Variants in PCDH15 observed in about 807,000 individuals in gnomAD.
PCDH15 encodes protocadherin related 15.
A neutral mutation model predicts 178.5 loss-of-function variants in PCDH15; 129 were observed. The ratio of observed to expected loss-of-function variants is 0.72; its 90% CI spans 0.63 to 0.84. The LOEUF (loss-of-function observed/expected upper bound fraction) is 0.84. Among genes scored for constraint, PCDH15 ranks in the 40% least tolerant of loss-of-function variants. The probability of loss-of-function intolerance (pLI) is 0.00; values close to 1 mark genes in which losing one functional copy is unlikely to be tolerated. For synonymous variants in PCDH15, 800 were observed against 732.0 expected (o/e 1.09, Z -1.50); for missense variants, 2,230 against 2,099.9 (o/e 1.06, Z -1.21).
intron 8 of PCDH15, among the ~76,000 whole-genome samples, chr10:54,255,664 T>C (rs2056842652): frequency 6.6e-6 from 1 of 152,122 alleles, no homozygotes; most frequent in Admixed American, 6.6e-5. Flanking sequence ...CAGCAATAAA[T>C]AGGCTGGCAA....
intron 25 of PCDH15, among the ~76,000 whole-genome samples, chr10:53,922,578 A>C (rs2084090544): frequency 6.6e-6 from 1 of 152,190 alleles, no homozygotes; most frequent in Non-Finnish European, 1.5e-5. Context: ...CTATTAAGGT[A>C]ATTTTAAATG....
intron 13 of PCDH15, among the ~76,000 whole-genome samples, chr10:54,173,477 G>T (rs562307696): frequency 1.3e-5 from 2 of 152,104 alleles, no homozygotes; most frequent in Non-Finnish European, 2.9e-5. Flanking sequence ...AAGTTTGGAA[G>T]TACTACGTTA....
At chr10:55,472,072 T>A (rs907662830) in intron 2 of PCDH15, among the ~76,000 whole-genome samples, 2 of 152,110 alleles carry the variant, frequency 1.3e-5, no homozygotes, top group African/African-American at 4.8e-5. Context: ...GAATTCCAGA[T>A]TTTCATAGTG....
intron 13 of PCDH15, among the ~76,000 whole-genome samples, chr10:54,179,854 G>A (rs771788205): frequency 2.4e-4 from 37 of 152,214 alleles, no homozygotes; most frequent in Non-Finnish European, 4.3e-4. Context: ...AGATGTTTGC[G>A]AATAGTGTTT....
intron 37 of PCDH15, among the ~76,000 whole-genome samples, chr10:53,809,755 T>A (rs892627167): frequency 6.6e-6 from 1 of 152,202 alleles, no homozygotes; most frequent in Non-Finnish European, 1.5e-5. Flanking sequence ...TAGCTTGTAC[T>A]TTACAATACC....
chr10:54,900,411 A>C (rs993704249), intron 2 of PCDH15, among the ~76,000 whole-genome samples: 1 of 152,202 alleles, frequency 6.6e-6, no homozygotes, highest in African/African-American at 2.4e-5. Context: ...GCAAAGTCTT[A>C]AATAATCCTT....
intron 2 of PCDH15, among the ~76,000 whole-genome samples, chr10:55,047,203 A>G (rs781112474): frequency 2.1e-4 from 32 of 152,022 alleles, no homozygotes; most frequent in Middle Eastern, 3.4e-3. Context: ...GAAATACTTA[A>G]TACTATTTAA....
chr10:55,153,195 A>G (rs1305906667), intron 2 of PCDH15, among the ~76,000 whole-genome samples: 4 of 152,066 alleles, frequency 2.6e-5, no homozygotes, highest in South Asian at 2.1e-4. Flanking sequence ...ATCAGTGAAA[A>G]CAAAACTAGC....
chr10:55,324,643 C>T (rs1217484289), intron 2 of PCDH15, among the ~76,000 whole-genome samples: 2 of 152,094 alleles, frequency 1.3e-5, no homozygotes, highest in African/African-American at 4.8e-5. Flanking sequence ...GACTTCAACA[C>T]ACCACTGAGA....
At chr10:55,531,706 T>A (rs183544115) in intron 2 of PCDH15, among the ~76,000 whole-genome samples, 7 of 152,168 alleles carry the variant, frequency 4.6e-5, no homozygotes, top group African/African-American at 1.7e-4. Flanking sequence ...AGTAATTGAA[T>A]AACAGATGTT....
At chr10:54,261,604 G>A (rs1343717842) in intron 8 of PCDH15, among the ~76,000 whole-genome samples, 1 of 152,120 alleles carries the variant, frequency 6.6e-6, no homozygotes, top group East Asian at 1.9e-4. Context: ...TCCTACAAGT[G>A]GTTTTTAAAG....
At chr10:53,934,669 C>T (rs2085403788) in intron 25 of PCDH15, among the ~76,000 whole-genome samples, 1 of 151,712 alleles carries the variant, frequency 6.6e-6, no homozygotes, top group South Asian at 2.1e-4. Flanking sequence ...AGCAAGTCAT[C>T]AAACTGTGCA....
chr10:53,930,413 G>C (rs1385621824), intron 25 of PCDH15, among the ~76,000 whole-genome samples: 1 of 119,776 alleles, frequency 8.3e-6, no homozygotes, highest in African/African-American at 3.2e-5. Context: ...AGCTGAGACC[G>C]TGCCACTGTA....
chr10:53,926,189 C>T (rs1042478679), intron 25 of PCDH15, among the ~76,000 whole-genome samples: 9 of 152,132 alleles, frequency 5.9e-5, no homozygotes, highest in African/African-American at 2.2e-4. Context: ...CCTATTTATC[C>T]AATTCTTTTT....
intron 2 of PCDH15, among the ~76,000 whole-genome samples, chr10:54,927,818 C>A (rs1175196314): frequency 2.0e-5 from 3 of 151,856 alleles, no homozygotes; most frequent in Admixed American, 2.0e-4. Context: ...TTACTTTGAG[C>A]CTGTGGGTAT....
At position 53,805,304 on chromosome 10, in the gene PCDH15, T is replaced by C. The variant is rs1357239187; in HGVS notation, c.*1275A>G. ...CTATATCATACTAAGTAATATTCAA[T>C]AGAATTCTGAATTCTCTTAATCTAT... On this transcript the variant is annotated 3_prime_UTR_variant, in exon 38 of 38. Coordinates refer to ENST00000644397, the MANE Select transcript of PCDH15 (RefSeq NM_001384140.1). The C allele has an allele frequency of 6.6e-6, 1 of 152,094 alleles. No homozygotes were observed. The highest frequency in any genetic ancestry group is 2.4e-5 in the African/African-American group (1 of 41,466). 9.4% of individuals were successfully genotyped at this position (152,094 alleles called of 1,614,324 possible).
At chr10:54,934,295 G>T (rs988508868) in intron 2 of PCDH15, among the ~76,000 whole-genome samples, 1 of 152,066 alleles carries the variant, frequency 6.6e-6, no homozygotes, top group Non-Finnish European at 1.5e-5. Context: ...CACATGACAT[G>T]AGAGAGGACC....
At chr10:55,259,365 A>C (rs987447480) in intron 1 of PCDH15, among the ~76,000 whole-genome samples, 1 of 152,218 alleles carries the variant, frequency 6.6e-6, no homozygotes, top group Admixed American at 6.5e-5. Flanking sequence ...GGGAAAAGAA[A>C]ATGGGAATGC....
At chr10:55,170,480 T>C (rs1591961485) in intron 1 of PCDH15, among the ~76,000 whole-genome samples, 1 of 152,168 alleles carries the variant, frequency 6.6e-6, no homozygotes, top group South Asian at 2.1e-4. Context: ...GAGATGATAA[T>C]ACCACTACCA....
Sources: allele counts gnomAD v4.1 joint callset (sites outside exome capture counted in the v4.1 genomes callset), GRCh38; gene constraint gnomAD v4.1.1; transcripts MANE v1.5; gene names NCBI Gene and HGNC (gene_info 2026-07-23, HGNC 2026-07-21).